Variants in DAAM1 observed in about 807,000 individuals in gnomAD.
DAAM1 encodes disheveled-associated activator of morphogenesis 1.
A neutral mutation model predicts 130.0 loss-of-function variants in DAAM1; 52 were observed. The ratio of observed to expected loss-of-function variants is 0.40; its 90% confidence interval spans 0.32 to 0.50. The LOEUF (loss-of-function observed/expected upper bound fraction) is 0.50. DAAM1 is among the 20% of genes least tolerant of loss of function. The pLI, the probability that DAAM1 is intolerant of heterozygous loss-of-function variation, is 0.61. For missense variants in DAAM1, 1,134 were observed against 1,303.8 expected (o/e 0.87, Z 2.01); for synonymous variants, 452 against 444.5 (o/e 1.02, Z -0.21).
chr14:59,266,329 G>T (rs1481373755), intron 2 of DAAM1, among the ~76,000 whole-genome samples: 1 of 152,132 alleles, frequency 6.6e-6, no homozygotes, highest in Admixed American at 6.6e-5. Context: ...AGAGCTGGTA[G>T]GCAGAGCTGG....
intron 4 of DAAM1, among the ~76,000 whole-genome samples, chr14:59,317,665 C>T (rs908939859): frequency 2.7e-4 from 41 of 152,248 alleles, no homozygotes; most frequent in African/African-American, 9.1e-4. Context: ...ATGTTGTTTG[C>T]GGTCCCACCA....
At chr14:59,360,697 A>G (rs748192497) in intron 21 of DAAM1, 105 bp from the exon 22 acceptor site, 140 of 906,920 alleles carry the variant, frequency 1.5e-4, no homozygotes, top group Admixed American at 8.4e-4. Context: ...TTAAACATTT[A>G]AATTAAAATA....
At chr14:59,282,592 G>T (rs1400862631) in intron 2 of DAAM1, among the ~76,000 whole-genome samples, 1 of 152,098 alleles carries the variant, frequency 6.6e-6, no homozygotes, top group Non-Finnish European at 1.5e-5. Flanking sequence ...TACCTGTGTT[G>T]ACAGAATGAA....
At chr14:59,296,775 TC>T (rs1883969765) in intron 3 of DAAM1, among the ~76,000 whole-genome samples, 1 of 152,216 alleles carries the variant, frequency 6.6e-6, no homozygotes, top group Admixed American at 6.5e-5. Context: ...TACACTTTCC[TC>T]TTTGATTTCT....
intron 1 of DAAM1, among the ~76,000 whole-genome samples, chr14:59,197,649 G>A (rs1887942092): frequency 6.6e-6 from 1 of 152,158 alleles, no homozygotes; most frequent in Admixed American, 6.5e-5. Context: ...TTCTGCTAAG[G>A]GCTGGTTAAA....
rs749585595 is a variant in DAAM1, at chr14:59,243,182, G to A, written c.-37-20259G>A. Among the ~76,000 whole-genome samples, 9 of 152,208 alleles carry A rather than the reference G, an allele frequency of 5.9e-5. 1 individual carries two copies. The Middle Eastern group carries it at 0.01, about 173-fold the overall frequency. Reference sequence around the variant, plus strand: ...TAAAAGCACATCCAAAAGGTAAGTGGCTAGGGAAATTCAGAGTCCAGGCAG... The same window carrying A: ...TAAAAGCACATCCAAAAGGTAAGTGACTAGGGAAATTCAGAGTCCAGGCAG... On this transcript the variant is annotated intron_variant, in intron 1 of 24. Transcript: ENST00000360909.
At chr14:59,233,379 C>T (rs1032054144) in intron 1 of DAAM1, among the ~76,000 whole-genome samples, 1 of 152,160 alleles carries the variant, frequency 6.6e-6, no homozygotes, top group Admixed American at 6.5e-5. Context: ...TTGCATTTCT[C>T]TAATGATCAG....
intron 1 of DAAM1, among the ~76,000 whole-genome samples, chr14:59,247,498 T>C (rs1294348411): frequency 6.6e-6 from 1 of 152,242 alleles, no homozygotes; most frequent in Non-Finnish European, 1.5e-5. Flanking sequence ...CGTAACAATA[T>C]TGTCTTCCAG....
chr14:59,269,073 G>T (rs1456892977), intron 2 of DAAM1, among the ~76,000 whole-genome samples: 2 of 152,208 alleles, frequency 1.3e-5, no homozygotes, highest in East Asian at 3.8e-4. Flanking sequence ...CATGTTAAGA[G>T]CCTGTCTCTG....
At chr14:59,245,899 A>G (rs978799634) in intron 1 of DAAM1, among the ~76,000 whole-genome samples, 3 of 152,206 alleles carry the variant, frequency 2.0e-5, no homozygotes, top group Non-Finnish European at 4.4e-5. Context: ...TCTATAAACC[A>G]TTCTTTAATT....
chr14:59,277,541 A>G (rs1883025172), intron 2 of DAAM1, among the ~76,000 whole-genome samples: 1 of 151,120 alleles, frequency 6.6e-6, no homozygotes, highest in South Asian at 2.1e-4. Flanking sequence ...TAAAAGTATA[A>G]TTAATATCAT....
At chr14:59,261,199 G>A (rs1214741324) in intron 1 of DAAM1, among the ~76,000 whole-genome samples, 1 of 152,052 alleles carries the variant, frequency 6.6e-6, no homozygotes, top group East Asian at 1.9e-4. Context: ...TAAAGACCCT[G>A]TTTTCCATAT....
At chr14:59,219,792 G>C (rs1888712678) in intron 1 of DAAM1, among the ~76,000 whole-genome samples, 2 of 152,114 alleles carry the variant, frequency 1.3e-5, no homozygotes, top group African/African-American at 4.8e-5. Flanking sequence ...CTTATTTCTT[G>C]TCTTCTTACT....
chr14:59,360,404 G>A lies in DAAM1; in HGVS notation c.2634-398G>A, dbSNP rs148990238. Among the ~76,000 whole-genome samples the A allele has an allele frequency of 1.8e-4, 27 of 152,354 alleles. No individual in the cohort carries two copies. The East Asian group carries it at 4.6e-3, about 26-fold the overall frequency. On this transcript the variant is annotated intron_variant, in intron 21 of 24. Coordinates refer to ENST00000360909, the MANE Select transcript of DAAM1 (RefSeq NM_001270520.2). ...AAAAGCAGAACACTGATTATACAGA[G>A]TACAATGTGAACATGATTGCAGATG...
chr14:59,355,265 AG>A lies in DAAM1; in HGVS notation c.2460del (p.Asn821MetfsTer10). 1 of 1,614,180 alleles carries A rather than the reference AG, an allele frequency of 6.2e-7. No individual in the cohort carries two copies. The highest frequency in any genetic ancestry group is 1.7e-5 in the Admixed American group (1 of 60,024). ...GAAATTATATGAATAAAGGTCAAAG[AG>A]GGAATGCATATGGATTCAAGATATC... ...FGNYMNKGQRGNAYGFKISSL... is the reference protein window; with the variant it reads ...FGNYMNKGQRXNAYGFKISSL... On this transcript the variant is annotated frameshift_variant, in exon 20 of 25. Transcript: ENST00000360909. LOFTEE classifies it high-confidence loss of function.
At position 59,355,256 on chromosome 14, in the gene DAAM1, A is replaced by G. The variant is rs773505735; in HGVS notation, c.2448A>G (p.Lys816=). The G allele has an allele frequency of 6.2e-7, 1 of 1,614,168 alleles. No individual in the cohort carries two copies. The highest frequency in any genetic ancestry group is 1.3e-5 in the African/African-American group (1 of 75,050). ...TGGCATTTGGAAATTATATGAATAA[A>G]GGTCAAAGAGGGAATGCATATGGAT... is the stretch of plus-strand genomic sequence containing the variant. ...VVLAFGNYMN[K]GQRGNAYGFK... Residue 816 remains lysine (K), a synonymous_variant, in exon 20 of 25, where the codon AAA becomes AAG. Transcript: ENST00000360909.
In DAAM1 at chr14:59,331,243, C is replaced by G. The variant is rs186761220; in HGVS notation, c.1595C>G (p.Ser532Trp). Residue 532 changes from serine (S) to tryptophan (W), a missense_variant, in exon 14 of 25, where the codon TCG becomes TGG. Coordinates refer to ENST00000360909, the MANE Select transcript of DAAM1 (RefSeq NM_001270520.2). ...TGTGCTTCAATCCCAGGTGGACCCTCGCCTGGAGCACCAGGAGGGCCCTTT... is the reference window on the plus strand; with the variant it reads ...TGTGCTTCAATCCCAGGTGGACCCTGGCCTGGAGCACCAGGAGGGCCCTTT... ...AVCASIPGGP[S>W]PGAPGGPFPS... 2 of 1,613,064 alleles carry G rather than the reference C, an allele frequency of 1.2e-6. No individual in the cohort carries two copies. The highest frequency in any genetic ancestry group is 1.7e-6 in the Non-Finnish European group (2 of 1,179,998).
At chr14:59,348,475 G>C (rs146974433) in intron 17 of DAAM1, among the ~76,000 whole-genome samples, 41 of 152,158 alleles carry the variant, frequency 2.7e-4, no homozygotes, top group Non-Finnish European at 1.0e-4. Flanking sequence ...TGTGGTGATA[G>C]TCTCTGAATG....
At chr14:59,339,816 A>G (rs1885774038) in intron 15 of DAAM1, among the ~76,000 whole-genome samples, 4 of 152,206 alleles carry the variant, frequency 2.6e-5, no homozygotes, top group Admixed American at 2.0e-4. Flanking sequence ...AGCATCTTCA[A>G]CTTAGAAGCA....
Sources: allele counts gnomAD v4.1 joint callset (sites outside exome capture counted in the v4.1 genomes callset), GRCh38; gene constraint gnomAD v4.1.1; transcripts MANE v1.5; gene names NCBI Gene and HGNC (gene_info 2026-07-23, HGNC 2026-07-21).